SSR3: variants seen among roughly 807,000 people sequenced by gnomAD.
The protein encoded by SSR3 is signal sequence receptor subunit 3.
In SSR3, 10 loss-of-function variants were observed where a neutral mutation model predicts 22.1. That is an observed-to-expected ratio of 0.45 (90% CI 0.28 to 0.77). The LOEUF is 0.77. Among genes scored for constraint, SSR3 ranks in the 30% least tolerant of loss-of-function variants. The pLI, the probability that SSR3 is intolerant of heterozygous loss-of-function variation, is 0.13. For missense variants in SSR3, 181 were observed against 220.5 expected (o/e 0.82, Z 1.13); for synonymous variants, 104 against 82.5 (o/e 1.26, Z -1.42).
chr3:156,553,887 GTT>G, intron 1 of SSR3, 106 bp from the exon 2 acceptor site: 1 of 1,138,146 alleles, frequency 8.8e-7, no homozygotes, highest in Non-Finnish European at 1.2e-6. Flanking sequence ...AAAATACCAG[GTT>G]ATTAGTTATG....
Position 156,543,232 on chromosome 3 carries a change from T to C in SSR3, c.529A>G (p.Ile177Val). The change falls in exon 5 of 5, where the codon ATC becomes GTC. Residue 177 changes from isoleucine (I) to valine (V), a missense_variant. Ile to Val is a conservative substitution (Grantham distance 29). Coordinates refer to ENST00000265044, the MANE Select transcript of SSR3 (RefSeq NM_007107.5). ...TTGGAGCCAGTAGACAGGAGGGCGA[T>C]GAGTCCTGATGAAGCACTTATGGAC... ...ILSISASSGLIALLSTGSK is the reference protein window; with the variant it reads ...ILSISASSGLVALLSTGSK 1.2e-6 allele frequency: 2 copies of C among 1,613,998 alleles called. No homozygotes were observed. Among genetic ancestry groups the C allele is most frequent in the Non-Finnish European group, 1.7e-6 (2 of 1,179,946 alleles).
At position 156,540,240 on chromosome 3, in the gene SSR3, T is replaced by G. The variant is rs1313188190; in HGVS notation, c.*2963A>C. 3 of 152,208 alleles carry G rather than the reference T, an allele frequency of 2.0e-5. No individual in the cohort carries two copies. Among genetic ancestry groups the G allele is most frequent in the Non-Finnish European group, 4.4e-5 (3 of 68,030 alleles). The allele number at this position is 152,208 out of a possible 1,614,324, so 9.4% of individuals were successfully genotyped here. A position where few individuals can be genotyped will look rare whatever the true frequency, so the allele number is the denominator to read the frequency against. On this transcript the variant is annotated 3_prime_UTR_variant, in exon 5 of 5. Coordinates refer to ENST00000265044, the MANE Select transcript of SSR3 (RefSeq NM_007107.5). ...CCATATTTCAGTTAACTTCAAACCTTGTTTCAAATTATCCTTTCCAAGTTT... is the reference window on the plus strand; with the variant it reads ...CCATATTTCAGTTAACTTCAAACCTGGTTTCAAATTATCCTTTCCAAGTTT...
chr3:156,547,961 T>C (rs1390101364), intron 3 of SSR3, among the ~76,000 whole-genome samples: 3 of 152,246 alleles, frequency 2.0e-5, no homozygotes, highest in South Asian at 2.1e-4. Context: ...AAATGGTTTC[T>C]GGTCCTTTAA....
chr3:156,551,480 G>A (rs562746162), intron 2 of SSR3: 29 of 151,860 alleles, frequency 1.9e-4, no homozygotes, highest in African/African-American at 6.3e-4. Flanking sequence ...AGGCCCACAT[G>A]AGCTGAATCC....
At chr3:156,549,679 T>C (rs1471188403) in intron 2 of SSR3, among the ~76,000 whole-genome samples, 2 of 152,338 alleles carry the variant, frequency 1.3e-5, no homozygotes, top group South Asian at 4.1e-4. Flanking sequence ...TGAGTTAGAA[T>C]TGACATTGTT....
At chr3:156,546,310 T>C (rs940816531) in intron 3 of SSR3, among the ~76,000 whole-genome samples, 6 of 152,238 alleles carry the variant, frequency 3.9e-5, no homozygotes, top group Admixed American at 1.3e-4. Context: ...CCTTCCACCA[T>C]GATTGTAAGT....
At chr3:156,549,796 A>G (rs552560696) in intron 2 of SSR3, among the ~76,000 whole-genome samples, 1 of 152,292 alleles carries the variant, frequency 6.6e-6, no homozygotes, top group Admixed American at 6.5e-5. Flanking sequence ...GTAACTGGAA[A>G]GAGGAAAAAA....
At chr3:156,551,048 A>G (rs938494966) in intron 2 of SSR3, among the ~76,000 whole-genome samples, 8 of 152,214 alleles carry the variant, frequency 5.3e-5, no homozygotes, top group African/African-American at 1.9e-4. Context: ...CACACTCAGC[A>G]TCTTGCTGGA....
At chr3:156,547,601 T>G (rs1431673586) in intron 3 of SSR3, among the ~76,000 whole-genome samples, 2 of 152,192 alleles carry the variant, frequency 1.3e-5, no homozygotes, top group East Asian at 3.9e-4. Flanking sequence ...AGCTGCTCCA[T>G]GCAGAAAGGC....
intron 2 of SSR3, among the ~76,000 whole-genome samples, chr3:156,552,439 TTACA>T (rs1173576267): frequency 6.6e-6 from 1 of 152,104 alleles, no homozygotes. Context: ...GCTATAAGGA[TTACA>T]TAGGGCAATG....
intron 3 of SSR3, among the ~76,000 whole-genome samples, chr3:156,547,863 C>T (rs1172942498): frequency 6.6e-6 from 1 of 152,178 alleles, no homozygotes; most frequent in Admixed American, 6.5e-5. Context: ...GATGCTTCCC[C>T]TGACACCTGG....
At position 156,540,278 on chromosome 3, in the gene SSR3, A is replaced by C. The variant is rs1488298621; in HGVS notation, c.*2925T>G. The C allele has an allele frequency of 6.6e-6, 1 of 152,182 alleles. No homozygotes were observed. 9.4% of individuals were successfully genotyped at this position (152,182 alleles called of 1,614,324 possible). On this transcript the variant is annotated 3_prime_UTR_variant, in exon 5 of 5. Coordinates refer to ENST00000265044, the MANE Select transcript of SSR3 (RefSeq NM_007107.5). ...CCTTTCCAAGTTTCAATAATATGGCAAATAGGACAACCAGTAAACTTTTAT... is the reference window on the plus strand; with the variant it reads ...CCTTTCCAAGTTTCAATAATATGGCCAATAGGACAACCAGTAAACTTTTAT...
rs775452144 is a variant in SSR3 at position 156,549,051 on chromosome 3, GAAC to G, written c.261-51_261-49del. 24 of 1,557,448 alleles carry G rather than the reference GAAC, an allele frequency of 1.5e-5. No homozygotes were observed. In the East Asian group the frequency reaches 5.2e-4, roughly 34 times the overall value. On this transcript the variant is annotated intron_variant, in intron 2 of 4. Coordinates refer to ENST00000265044, the MANE Select transcript of SSR3 (RefSeq NM_007107.5). The stretch of plus-strand genomic sequence containing the variant: ...AAAAGTTTCCATATGCTACAGAGGT[GAAC>G]ATCACACTCTCTCAGAAACACACCG...
At position 156,554,852 on chromosome 3, in the gene SSR3, C is replaced by A. The variant is rs556526708; in HGVS notation, c.133+105G>T. 499 of 1,455,714 alleles carry A rather than the reference C, an allele frequency of 3.4e-4. 3 individuals carry two copies. In the African/African-American group the frequency reaches 6.1e-3, roughly 18 times the overall value. 90.2% of individuals were successfully genotyped at this position (1,455,714 alleles called of 1,614,324 possible). On this transcript the variant is annotated intron_variant, in intron 1 of 4. Transcript: ENST00000265044. ...CAGGGGAGCTGGAGAGATTGCCGACCCCCGGCCGGCACCCACGCCTTCCCT... is the reference window on the plus strand; with the variant it reads ...CAGGGGAGCTGGAGAGATTGCCGACACCCGGCCGGCACCCACGCCTTCCCT...
At position 156,544,587 on chromosome 3, in the gene SSR3, A is replaced by C. The variant is rs974701777; in HGVS notation, c.360-148T>G. 3 of 551,714 alleles carry C rather than the reference A, an allele frequency of 5.4e-6. No homozygotes were observed. The African/African-American group carries it at 6.0e-5, about 11-fold the overall frequency. The allele number at this position is 551,714 out of a possible 1,614,324, so 34.2% of individuals were successfully genotyped here. On this transcript the variant is annotated intron_variant, in intron 3 of 4. Coordinates refer to ENST00000265044, the MANE Select transcript of SSR3 (RefSeq NM_007107.5). The stretch of plus-strand genomic sequence containing the variant: ...GTTTGTAATATTAGATTTAGTCAGA[A>C]TTGTCCCCTTTCTTCCACTGAAAAA...
chr3:156,544,514 G>A, intron 3 of SSR3, 75 bp from the exon 4 acceptor site: 2 of 1,241,334 alleles, frequency 1.6e-6, no homozygotes, highest in Middle Eastern at 2.1e-4. Flanking sequence ...TATGGCTCTA[G>A]TTCATCATAA....
rs1401634328 is a variant in SSR3 at position 156,543,267 on chromosome 3, T to C, written c.494A>G (p.Asn165Ser). The change falls in exon 5 of 5, where the codon AAC becomes AGC. Residue 165 changes from asparagine to serine, a missense_variant and splice_region_variant. Asn to Ser is a conservative substitution (Grantham distance 46, BLOSUM62 1). Transcript: ENST00000265044. ...TGAAGCACTTATGGACAATATGTAG[T>C]TCCTGTAAGAAATTTAATGTTATGG... is the stretch of plus-strand genomic sequence containing the variant. ...FILKNFNPTV[N>S]YILSISASSG... The C allele has an allele frequency of 1.2e-6, 2 of 1,613,024 alleles. No homozygotes were observed.
chr3:156,544,782 A>G (rs1719702124), intron 3 of SSR3, among the ~76,000 whole-genome samples: 1 of 152,182 alleles, frequency 6.6e-6, no homozygotes, highest in Non-Finnish European at 1.5e-5. Flanking sequence ...CTCAAACTCC[A>G]TGATTAGCAG....
chr3:156,554,610 C>A, intron 1 of SSR3: 1 of 224,060 alleles, frequency 4.5e-6, no homozygotes, highest in Non-Finnish European at 8.7e-6. Flanking sequence ...TAACGGCAAG[C>A]AACAGTTGTA....
Sources: gnomAD v4.1 joint callset for allele counts (sites outside exome capture counted in the v4.1 genomes callset) on GRCh38, gnomAD v4.1.1 for gene constraint, MANE v1.5 for transcripts, NCBI Gene and HGNC (gene_info 2026-07-23, HGNC 2026-07-21) for gene names.